Variants in CD274 observed in about 807,000 individuals in gnomAD.
CD274 encodes CD274 molecule, also known as programmed cell death 1 ligand 1.
A neutral mutation model predicts 30.1 loss-of-function variants in CD274; 8 were observed. That is an observed-to-expected ratio of 0.27 (90% CI 0.16 to 0.48). The LOEUF (loss-of-function observed/expected upper bound fraction) is 0.48. Among genes scored for constraint, CD274 ranks in the 20% least tolerant of loss-of-function variants. CD274 has a pLI of 0.99. For missense variants in CD274, 353 were observed against 346.6 expected (o/e 1.02, Z -0.15); for synonymous variants, 152 against 124.6 (o/e 1.22, Z -1.46).
At chr9:5,454,187 A>AT (rs916438279) in intron 1 of CD274, among the ~76,000 whole-genome samples, 3 of 150,746 alleles carry the variant, frequency 2.0e-5, no homozygotes, top group Non-Finnish European at 4.5e-5. Context: ...TTTTGGTTTT[A>AT]TTTTTTTCCT....
chr9:5,460,885 A>G (rs933170615), intron 3 of CD274, among the ~76,000 whole-genome samples: 1 of 152,220 alleles, frequency 6.6e-6, no homozygotes, highest in Admixed American at 6.5e-5. Context: ...CTGTTAATAT[A>G]TAAGTTGTAT....
Position 5,469,656 on chromosome 9 carries a change from T to A in CD274, c.*1794T>A. ...AAGTTATCTTTCCCATAGCTTTTCA[T>A]TATCTTTCATATGATCCAGTATATG... On this transcript the variant is annotated 3_prime_UTR_variant, in exon 7 of 7. Coordinates refer to ENST00000381577, the MANE Select transcript of CD274 (RefSeq NM_014143.4). The A allele has an allele frequency of 4.3e-6, 1 of 232,044 alleles. No individual in the cohort carries two copies. The highest frequency in any genetic ancestry group is 2.2e-5 in the African/African-American group (1 of 45,402). The allele number at this position is 232,044 out of a possible 1,614,324, so 14.4% of individuals were successfully genotyped here. A position where few individuals can be genotyped will look rare whatever the true frequency, so the allele number is the denominator to read the frequency against.
intron 2 of CD274, among the ~76,000 whole-genome samples, chr9:5,456,489 A>G (rs770792833): frequency 6.6e-6 from 1 of 152,208 alleles, no homozygotes; most frequent in Non-Finnish European, 1.5e-5. Context: ...CAACAAGGCC[A>G]AGATCCTTTG....
rs2131223608 is a variant in CD274 at position 5,462,957 on chromosome 9, A to T, written c.518A>T (p.Gln173Leu). 6.2e-7 allele frequency: 1 copy of T among 1,614,094 alleles called. No individual in the cohort carries two copies. The highest frequency in any genetic ancestry group is 8.5e-7 in the Non-Finnish European group (1 of 1,179,948). ...GTCATCTGGACAAGCAGTGACCATC[A>T]AGTCCTGAGTGGTAAGACCACCACC... is the stretch of plus-strand genomic sequence containing the variant. ...AEVIWTSSDH[Q>L]VLSGKTTTTN... The change falls in exon 4 of 7, where the codon CAA (glutamine) becomes CTA (leucine). Residue 173 changes from glutamine (Q) to leucine (L), a missense_variant. By Grantham distance (113) the Gln-to-Leu change is moderately radical. Transcript: ENST00000381577.
intron 1 of CD274, among the ~76,000 whole-genome samples, chr9:5,455,004 C>A (rs753028958): frequency 6.6e-6 from 1 of 151,864 alleles, no homozygotes; most frequent in Non-Finnish European, 1.5e-5. Context: ...GTATAGTTGT[C>A]TTATTGATTG....
chr9:5,457,335 T>C lies in CD274; in HGVS notation c.309T>C (p.Asp103=), dbSNP rs1309241477. The C allele has an allele frequency of 6.2e-7, 1 of 1,614,096 alleles. No individual in the cohort carries two copies. Among genetic ancestry groups the C allele is most frequent in the African/African-American group, 1.3e-5 (1 of 75,046 alleles). Residue 103 remains aspartate, a synonymous_variant, in exon 3 of 7, where the codon GAT becomes GAC. Coordinates refer to ENST00000381577, the MANE Select transcript of CD274 (RefSeq NM_014143.4). The stretch of plus-strand genomic sequence containing the variant: ...GAAATGCTGCACTTCAGATCACAGA[T>C]GTGAAATTGCAGGATGCAGGGGTGT... The part of the protein sequence containing the change: ...SLGNAALQIT[D]VKLQDAGVYR...
intron 3 of CD274, among the ~76,000 whole-genome samples, chr9:5,460,857 T>G (rs1819391470): frequency 6.6e-6 from 1 of 152,194 alleles, no homozygotes. Flanking sequence ...TTGTGTGTAA[T>G]TATAAAAATT....
intron 4 of CD274, among the ~76,000 whole-genome samples, chr9:5,464,939 T>C (rs571122245): frequency 5.9e-5 from 9 of 152,136 alleles, no homozygotes; most frequent in Admixed American, 5.2e-4. Context: ...ATATAAAAAT[T>C]AGCTGGGTGT....
intron 1 of CD274, among the ~76,000 whole-genome samples, chr9:5,454,734 T>C (rs889868248): frequency 6.6e-6 from 1 of 152,132 alleles, no homozygotes; most frequent in Non-Finnish European, 1.5e-5. Context: ...TAATAGGAAG[T>C]ATCAAAGTGC....
rs919817968 is a variant in CD274, at chr9:5,469,009, C to A, written c.*1147C>A. On this transcript the variant is annotated 3_prime_UTR_variant, in exon 7 of 7. Transcript: ENST00000381577. ...GAAAATGTATTATTACAATTTAGTC[C>A]AGTGTCATAGCATAAGGATGATGCG... 1 of 232,900 alleles carries A rather than the reference C, an allele frequency of 4.3e-6. No individual in the cohort carries two copies. The highest frequency in any genetic ancestry group is 6.0e-5 in the East Asian group (1 of 16,582). The allele number at this position is 232,900 out of a possible 1,614,324, so 14.4% of individuals were successfully genotyped here.
chr9:5,467,548 T>G (rs1819517647), intron 6 of CD274, among the ~76,000 whole-genome samples: 1 of 152,148 alleles, frequency 6.6e-6, no homozygotes, highest in Non-Finnish European at 1.5e-5. Context: ...CTGGACAAGC[T>G]CAGGCAAGTT....
chr9:5,463,237 C>G (rs1819439313), intron 4 of CD274, 116 bp downstream of exon 4: 1 of 794,044 alleles, frequency 1.3e-6, no homozygotes, highest in East Asian at 2.5e-5. Flanking sequence ...GAATGAATAA[C>G]ACTATGTTTA....
At chr9:5,465,332 G>C (rs571248627) in intron 4 of CD274, among the ~76,000 whole-genome samples, 167 bp from the exon 5 acceptor site, 1 of 152,280 alleles carries the variant, frequency 6.6e-6, no homozygotes, top group East Asian at 1.9e-4. Context: ...TCTCCATGCT[G>C]TTCCCATTTT....
chr9:5,463,201 A>C (rs1819438622), intron 4 of CD274, 80 bp downstream of exon 4: 2 of 1,059,504 alleles, frequency 1.9e-6, no homozygotes. Flanking sequence ...TATCATAGTC[A>C]TTCAGTGATT....
chr9:5,464,503 G>A (rs544657387), intron 4 of CD274, among the ~76,000 whole-genome samples: 1 of 152,294 alleles, frequency 6.6e-6, no homozygotes, highest in Non-Finnish European at 1.5e-5. Flanking sequence ...CCAGGCAGGA[G>A]CTGACTAAGG....
chr9:5,462,971 A>G lies in CD274; in HGVS notation c.532A>G (p.Lys178Glu). The change falls in exon 4 of 7, where the codon AAG (lysine) becomes GAG (glutamate). Residue 178 changes from lysine (K) to glutamate (E), a missense_variant. By Grantham distance (56) the Lys-to-Glu change is moderately conservative. Transcript: ENST00000381577. Reference sequence around the variant, plus strand: ...CAGTGACCATCAAGTCCTGAGTGGTAAGACCACCACCACCAATTCCAAGAG... The same window carrying G: ...CAGTGACCATCAAGTCCTGAGTGGTGAGACCACCACCACCAATTCCAAGAG... ...TSSDHQVLSG[K>E]TTTTNSKREE... is the part of the protein sequence containing the mutation. The G allele has an allele frequency of 4.3e-6, 7 of 1,614,110 alleles. No individual in the cohort carries two copies. Among genetic ancestry groups the G allele is most frequent in the Non-Finnish European group, 5.9e-6 (7 of 1,179,962 alleles).
At position 5,470,394 on chromosome 9, in the gene CD274, T is replaced by C. The variant is rs770606452; in HGVS notation, c.*2532T>C. On this transcript the variant is annotated 3_prime_UTR_variant, in exon 7 of 7. Transcript: ENST00000381577. ...CTTTTGTCTCATGTTTCATCGTAAATGGCATAGGCAGAGATGATACCTAAT... is the reference window on the plus strand; with the variant it reads ...CTTTTGTCTCATGTTTCATCGTAAACGGCATAGGCAGAGATGATACCTAAT... The C allele has an allele frequency of 6.9e-5, 16 of 231,818 alleles. No homozygotes were observed. The highest frequency in any genetic ancestry group is 1.4e-4 in the Non-Finnish European group (16 of 117,226). 14.4% of individuals were successfully genotyped at this position (231,818 alleles called of 1,614,324 possible).
rs1819435056 is a variant in CD274 at position 5,463,067 on chromosome 9, A to G, written c.628A>G (p.Thr210Ala). The G allele has an allele frequency of 6.2e-7, 1 of 1,613,960 alleles. No individual in the cohort carries two copies. Among genetic ancestry groups the G allele is most frequent in the Admixed American group, 1.7e-5 (1 of 60,012 alleles). Residue 210 changes from threonine (T) to alanine (A), a missense_variant, in exon 4 of 7, where the codon ACT (threonine) becomes GCT (alanine). Physicochemically the swap from Thr to Ala is moderately conservative, Grantham distance 58. Transcript: ENST00000381577. ...AACAACTAATGAGATTTTCTACTGC[A>G]CTTTTAGGAGATTAGATCCTGAGGA... The part of the protein sequence containing the change: ...NTTTNEIFYC[T>A]FRRLDPEENH...
At chr9:5,452,016 T>G (rs560618172) in intron 1 of CD274, among the ~76,000 whole-genome samples, 2 of 134,406 alleles carry the variant, frequency 1.5e-5, no homozygotes, top group East Asian at 2.1e-4. Context: ...GTTTAACCGG[T>G]TTTTTTTGTC....
Sources: allele counts gnomAD v4.1 joint callset (sites outside exome capture counted in the v4.1 genomes callset), GRCh38; gene constraint gnomAD v4.1.1; transcripts MANE v1.5; gene names NCBI Gene and HGNC (gene_info 2026-07-23, HGNC 2026-07-21).